The following LAMA2 variants were observed in gnomAD, a reference collection of about 807,000 sequenced individuals.
LAMA2 encodes the protein laminin subunit alpha-2.
LAMA2 carries 269 observed loss-of-function variants against 364.8 expected under a neutral mutation model. The observed-to-expected ratio is 0.74, with a 90% confidence interval of 0.67 to 0.82. The LOEUF is 0.82. LAMA2 is among the 40% of genes least tolerant of loss of function. The pLI is 0.00. For missense variants in LAMA2, 3,807 were observed against 3,873.2 expected (o/e 0.98, Z 0.45); for synonymous variants, 1,379 against 1,370.6 (o/e 1.01, Z -0.14).
intron 16 of LAMA2, among the ~76,000 whole-genome samples, chr6:129,269,660 A>G (rs1037700049): frequency 3.3e-5 from 5 of 152,130 alleles, no homozygotes; most frequent in African/African-American, 1.2e-4. Context: ...TTTTAGTTGT[A>G]TCAGTGAGAT....
chr6:129,411,861 A>T (rs916137497), intron 40 of LAMA2, among the ~76,000 whole-genome samples: 6 of 152,246 alleles, frequency 3.9e-5, no homozygotes, highest in Non-Finnish European at 7.3e-5. Context: ...AGTAAGCATT[A>T]TGGAAAGCAT....
chr6:129,101,580 G>A (rs187441202), intron 4 of LAMA2, among the ~76,000 whole-genome samples: 61 of 152,132 alleles, frequency 4.0e-4, no homozygotes, highest in Middle Eastern at 3.4e-3. Context: ...ATAGCCACTA[G>A]CCATATGTGG....
At chr6:129,167,164 AT>A (rs1031877491) in intron 9 of LAMA2, among the ~76,000 whole-genome samples, 12 of 151,874 alleles carry the variant, frequency 7.9e-5, no homozygotes, top group Admixed American at 1.3e-4. Context: ...TTCAGTTTTT[AT>A]TTTTTTTAAT....
rs186200101 is a variant in LAMA2 at position 128,982,374 on chromosome 6, C to G, written c.113-67544C>G. The stretch of plus-strand genomic sequence containing the variant: ...TATTTATGTGGTGTTTGCGTTTTTC[C>G]AATTTTAGAAATGGTTTCCTACCTT... On this transcript the variant is annotated intron_variant, in intron 1 of 64. Transcript: ENST00000421865. Among the ~76,000 whole-genome samples, 53 of 152,122 alleles carry G rather than the reference C, an allele frequency of 3.5e-4. No homozygotes were observed. The East Asian group carries it at 9.7e-3, about 28-fold the overall frequency.
chr6:129,110,203 C>G (rs1016778930), intron 4 of LAMA2, among the ~76,000 whole-genome samples: 1 of 151,748 alleles, frequency 6.6e-6, no homozygotes, highest in Admixed American at 6.6e-5. Flanking sequence ...TAATTCAGGT[C>G]CCAATTCTGA....
chr6:129,044,356 G>A (rs562374815), intron 1 of LAMA2, among the ~76,000 whole-genome samples: 3 of 152,166 alleles, frequency 2.0e-5, no homozygotes, highest in African/African-American at 7.2e-5. Flanking sequence ...GGGATTTTGA[G>A]AATGTAGATC....
chr6:128,926,321 C>T (rs1399199791), intron 1 of LAMA2, among the ~76,000 whole-genome samples: 5 of 152,084 alleles, frequency 3.3e-5, no homozygotes, highest in Admixed American at 6.6e-5. Flanking sequence ...CAACTCCTCT[C>T]GTTTAGGCCT....
chr6:128,913,865 C>G (rs538105056), intron 1 of LAMA2, among the ~76,000 whole-genome samples: 135 of 152,200 alleles, frequency 8.9e-4, no homozygotes, highest in Middle Eastern at 3.4e-3. Flanking sequence ...TGGAAACGCT[C>G]TATATTTTTT....
chr6:129,053,762 C>G (rs1265441131), intron 2 of LAMA2, among the ~76,000 whole-genome samples: 1 of 152,152 alleles, frequency 6.6e-6, no homozygotes, highest in Admixed American at 6.5e-5. Context: ...GCAAGAGGCA[C>G]ACTGAAGAGG....
intron 31 of LAMA2, among the ~76,000 whole-genome samples, chr6:129,350,155 T>A (rs1229486649): frequency 6.6e-6 from 1 of 152,206 alleles, no homozygotes; most frequent in East Asian, 1.9e-4. Flanking sequence ...ATTTTAGATA[T>A]TATCTTTAAT....
At chr6:129,311,412 C>A (rs1054778340) in intron 22 of LAMA2, among the ~76,000 whole-genome samples, 2 of 152,196 alleles carry the variant, frequency 1.3e-5, no homozygotes, top group African/African-American at 2.4e-5. Flanking sequence ...TGAGCCACCG[C>A]GCCCGGCCTA....
At chr6:128,972,797 G>A (rs1782267767) in intron 1 of LAMA2, among the ~76,000 whole-genome samples, 1 of 152,098 alleles carries the variant, frequency 6.6e-6, no homozygotes, top group Non-Finnish European at 1.5e-5. Flanking sequence ...TCATTACAAA[G>A]TAAAATATAT....
At chr6:128,893,683 T>G (rs1048443042) in intron 1 of LAMA2, among the ~76,000 whole-genome samples, 3 of 151,938 alleles carry the variant, frequency 2.0e-5, no homozygotes, top group African/African-American at 4.8e-5. Flanking sequence ...ATGTCAAGAT[T>G]CCTTTTTATC....
At chr6:128,937,248 C>T (rs1779881339) in intron 1 of LAMA2, among the ~76,000 whole-genome samples, 1 of 152,022 alleles carries the variant, frequency 6.6e-6, no homozygotes, top group South Asian at 2.1e-4. Context: ...TTTTGATATG[C>T]CGTTGAATTT....
At chr6:129,200,870 G>A (rs781624069) in intron 12 of LAMA2, among the ~76,000 whole-genome samples, 1 of 151,802 alleles carries the variant, frequency 6.6e-6, no homozygotes, top group Admixed American at 6.6e-5. Context: ...TGATTATCTA[G>A]AGAAAAAAAA....
intron 4 of LAMA2, among the ~76,000 whole-genome samples, chr6:129,108,036 T>C (rs1390311021): frequency 1.3e-5 from 2 of 152,082 alleles, no homozygotes; most frequent in Non-Finnish European, 2.9e-5. Flanking sequence ...AAAAATTCTT[T>C]ACCTTTTAGC....
At chr6:129,039,777 C>T (rs1051235009) in intron 1 of LAMA2, among the ~76,000 whole-genome samples, 3 of 152,174 alleles carry the variant, frequency 2.0e-5, no homozygotes, top group Non-Finnish European at 4.4e-5. Flanking sequence ...GCACAGTTCA[C>T]AATATGGTTC....
intron 8 of LAMA2, among the ~76,000 whole-genome samples, chr6:129,156,141 A>G (rs1779099646): frequency 6.6e-6 from 1 of 151,652 alleles, no homozygotes; most frequent in Middle Eastern, 3.6e-3. Context: ...AATTAGCTTG[A>G]TATAACCATT....
At chr6:129,341,995 A>G (rs893712827) in intron 29 of LAMA2, among the ~76,000 whole-genome samples, 3 of 152,218 alleles carry the variant, frequency 2.0e-5, no homozygotes, top group Admixed American at 6.5e-5. Flanking sequence ...GAAGAAACAT[A>G]AATGCCTAGA....
Sources: gnomAD v4.1 joint callset for allele counts (sites outside exome capture counted in the v4.1 genomes callset) on GRCh38, gnomAD v4.1.1 for gene constraint, MANE v1.5 for transcripts, NCBI Gene and HGNC (gene_info 2026-07-23, HGNC 2026-07-21) for gene names.